The following KCP variants were observed in gnomAD, a reference collection of about 807,000 sequenced individuals.
KCP encodes the protein kielin/chordin-like protein.
Under a neutral mutation model 212.7 loss-of-function variants are expected in KCP, and 194 were observed. The observed-to-expected ratio is 0.91, with a 90% confidence interval of 0.81 to 1.03. KCP has a LOEUF of 1.03. Among genes scored for constraint, KCP ranks in the 50% least tolerant of loss-of-function variants. The pLI is 0.00. For synonymous variants in KCP, 833 were observed against 865.3 expected (o/e 0.96, Z 0.65); for missense variants, 2,080 against 2,162.5 (o/e 0.96, Z 0.76).
intron 8 of KCP, among the ~76,000 whole-genome samples, chr7:128,896,616 C>T (rs186923430): frequency 6.6e-6 from 1 of 151,930 alleles, no homozygotes; most frequent in Non-Finnish European, 1.5e-5. Flanking sequence ...CATGGCCGGT[C>T]GCGGTGGCTC....
In KCP at chr7:128,877,777, AG is replaced by A; in HGVS notation, c.4324del (p.Leu1442CysfsTer34). On this transcript the variant is annotated frameshift_variant, in exon 39 of 40. Transcript: ENST00000610776. LOFTEE classifies it high-confidence loss of function. ...FGNSWQVSEG[L>X]WPGRPCSAGR... ...TGCAGAACAGGGCCGGCCAGGCCAC[AG>A]CCCCTCTGAGACCTGGGTGGGGAGA... 2 of 1,547,844 alleles carry A rather than the reference AG, an allele frequency of 1.3e-6. No homozygotes were observed. The highest frequency in any genetic ancestry group is 2.4e-5 in the South Asian group (2 of 83,866).
At chr7:128,901,470 CA>C (rs1794838836) in intron 8 of KCP, among the ~76,000 whole-genome samples, 1 of 151,968 alleles carries the variant, frequency 6.6e-6, no homozygotes, top group African/African-American at 2.4e-5. Flanking sequence ...ACTAAAAATA[CA>C]AAAAATTAGC....
Position 128,894,278 on chromosome 7 carries a change from A to G in KCP, c.847T>C (p.Cys283Arg). ...ICRCLEGHIQ[C>R]RQRECASLCP... is the part of the protein sequence containing the mutation. Reference sequence around the variant, plus strand: ...AGGCTGGCACATTCTCGCTGGCGGCACTGGATGTGACCCTCCTGGTGGGGA... The same window carrying G: ...AGGCTGGCACATTCTCGCTGGCGGCGCTGGATGTGACCCTCCTGGTGGGGA... The change falls in exon 9 of 40, where the codon TGC becomes CGC. Residue 283 changes from cysteine (C) to arginine (R), a missense_variant. Transcript: ENST00000610776. 1 of 1,541,716 alleles carries G rather than the reference A, an allele frequency of 6.5e-7. No homozygotes were observed. The highest frequency in any genetic ancestry group is 8.8e-7 in the Non-Finnish European group (1 of 1,140,650).
In KCP at chr7:128,891,023, G is replaced by T. The variant is rs891518627; in HGVS notation, c.2046C>A (p.Pro682=). ...AGAGGCAGCGGCGGCAGGGATCGCC[G>T]GGCGGGGAGAAGTACTCCTGGTGGC... The part of the protein sequence containing the change: ...HARHQEYFSP[P]GDPCRRCLCL... The change falls in exon 20 of 40, where the codon CCC becomes CCA. Residue 682 remains proline, a synonymous_variant. Coordinates refer to ENST00000610776, the MANE Select transcript of KCP (RefSeq NM_001366122.1). 7 of 1,345,720 alleles carry T rather than the reference G, an allele frequency of 5.2e-6. No individual in the cohort carries two copies. The African/African-American group carries it at 7.7e-5, about 15-fold the overall frequency. The allele number at this position is 1,345,720 out of a possible 1,614,324, so 83.4% of individuals were successfully genotyped here.
Position 128,880,052 on chromosome 7 carries a change from A to G in KCP, c.3793T>C (p.Cys1265Arg), listed in dbSNP as rs568214481. The G allele has an allele frequency of 6.5e-7, 1 of 1,547,208 alleles. No homozygotes were observed. The highest frequency in any genetic ancestry group is 8.7e-7 in the Non-Finnish European group (1 of 1,146,134). ...KAPALSPGSCCPRCLPRPASC... is the reference protein window; with the variant it reads ...KAPALSPGSCRPRCLPRPASC... ...GCGGGCCGAGGCAGGCAGCGGGGGC[A>G]GCAGCTGCCAGGACTCAGGGCAGGG... is the stretch of plus-strand genomic sequence containing the variant. The change falls in exon 35 of 40, where the codon TGC becomes CGC. Residue 1265 changes from cysteine (C) to arginine (R), a missense_variant. Cys to Arg is a radical substitution (Grantham distance 180). Transcript: ENST00000610776.
At chr7:128,894,755 C>T (rs1445706052) in intron 8 of KCP, among the ~76,000 whole-genome samples, 2 of 152,108 alleles carry the variant, frequency 1.3e-5, no homozygotes, top group Admixed American at 6.6e-5. Context: ...TACAGGCACG[C>T]ACCACCATGC....
rs375079951 is a variant in KCP at position 128,896,863 on chromosome 7, C to T, written c.832-2570G>A. ...CTGAGATGGCGCCATTTCACTCCAG[C>T]CTGGCGACAGAGCAAGACTCCATCT... On this transcript the variant is annotated intron_variant, in intron 8 of 39. Coordinates refer to ENST00000610776, the MANE Select transcript of KCP (RefSeq NM_001366122.1). 6.2e-5 allele frequency among the ~76,000 whole-genome samples: 9 copies of T among 144,188 alleles called. No homozygotes were observed. In the East Asian group the frequency reaches 1.6e-3, roughly 26 times the overall value. The allele number at this position is 144,188 out of a possible 152,430, so 94.6% of individuals were successfully genotyped here.
rs151283237 is a variant in KCP at position 128,881,185 on chromosome 7, C to T, written c.3425-100G>A. 418 of 398,936 alleles carry T rather than the reference C, an allele frequency of 1.0e-3. 2 individuals are homozygous for T. Among genetic ancestry groups the T allele is most frequent in the African/African-American group, 7.7e-3 (374 of 48,762 alleles). 24.7% of individuals were successfully genotyped at this position (398,936 alleles called of 1,614,324 possible). ...TTTCACGGCAGGAAAGCACCCACTC[C>T]GTGTCCCTACCACCCTGATGGTGTT... On this transcript the variant is annotated intron_variant, in intron 31 of 39. Coordinates refer to ENST00000610776, the MANE Select transcript of KCP (RefSeq NM_001366122.1).
chr7:128,897,159 T>C lies in KCP; in HGVS notation c.832-2866A>G, dbSNP rs191321403. 2.5e-3 allele frequency among the ~76,000 whole-genome samples: 388 copies of C among 152,350 alleles called. 8 individuals are homozygous for C. The South Asian group carries it at 0.053, about 21-fold the overall frequency. ...GCTATAGTGAATCTGGTATGCTTTGTGTGTCTTTCTGTATTGTTCTGTCAT... is the reference window on the plus strand; with the variant it reads ...GCTATAGTGAATCTGGTATGCTTTGCGTGTCTTTCTGTATTGTTCTGTCAT... On this transcript the variant is annotated intron_variant, in intron 8 of 39. Coordinates refer to ENST00000610776, the MANE Select transcript of KCP (RefSeq NM_001366122.1).
intron 38 of KCP, 39 bp downstream of exon 38, chr7:128,878,519 T>C: frequency 1.3e-6 from 2 of 1,527,060 alleles, no homozygotes; most frequent in Non-Finnish European, 8.8e-7. Flanking sequence ...CTCAGCTGCG[T>C]CTCCCCTAAT....
At chr7:128,898,623 A>G (rs1205783225) in intron 8 of KCP, among the ~76,000 whole-genome samples, 1 of 152,268 alleles carries the variant, frequency 6.6e-6, no homozygotes, top group Non-Finnish European at 1.5e-5. Flanking sequence ...CATGCAAGGC[A>G]TGTAAGAAAA....
rs1396749520 is a variant in KCP at position 128,882,034 on chromosome 7, C to G, written c.3245-18G>C. ...CAAGGCCTCTGTGAAGACAAGAATCCAGAGTGCGGGACAGAAAGAGGGGCA... is the reference window on the plus strand; with the variant it reads ...CAAGGCCTCTGTGAAGACAAGAATCGAGAGTGCGGGACAGAAAGAGGGGCA... On this transcript the variant is annotated intron_variant, in intron 29 of 39. Transcript: ENST00000610776. The G allele has an allele frequency of 6.5e-7, 1 of 1,543,212 alleles. No homozygotes were observed. The highest frequency in any genetic ancestry group is 8.8e-7 in the Non-Finnish European group (1 of 1,139,952).
intron 28 of KCP, 55 bp downstream of exon 28, chr7:128,884,726 C>A: frequency 1.3e-6 from 2 of 1,482,520 alleles, no homozygotes; most frequent in Non-Finnish European, 1.8e-6. Context: ...TCATCCCATG[C>A]TGCCCACTCC....
At chr7:128,887,832 CACACACACACAT>C (rs1793771188) in intron 22 of KCP, among the ~76,000 whole-genome samples, 1 of 150,172 alleles carries the variant, frequency 6.7e-6, no homozygotes, top group Non-Finnish European at 1.5e-5. Context: ...CATACACACA[CACACACACACAT>C]ACACACATAC....
chr7:128,908,251 G>GAAGAAAGAAAGAAAGAAAGAAAGA (rs370653893), intron 2 of KCP, among the ~76,000 whole-genome samples, 175 bp downstream of exon 2: 3,523 of 101,126 alleles, frequency 0.035, 122 homozygotes, highest in South Asian at 0.047. Flanking sequence ...AAGAAAGAAA[G>GAAGAAAGAAAGAAAGAAAGAAAGA]AAGAAAGAAA....
chr7:128,891,366 C>T (rs1156292145), intron 18 of KCP, 85 bp downstream of exon 18: 1 of 1,546,684 alleles, frequency 6.5e-7, no homozygotes, highest in Non-Finnish European at 8.7e-7. Flanking sequence ...CAGGTCCCAC[C>T]CCTCCCACCT....
At position 128,877,086 on chromosome 7, in the gene KCP, C is replaced by G; in HGVS notation, c.4844G>C (p.Gly1615Ala). The G allele has an allele frequency of 1.3e-6, 2 of 1,520,260 alleles. No individual in the cohort carries two copies. The highest frequency in any genetic ancestry group is 1.8e-6 in the Non-Finnish European group (2 of 1,138,486). The allele number at this position is 1,520,260 out of a possible 1,614,324, so 94.2% of individuals were successfully genotyped here. The stretch of plus-strand genomic sequence containing the variant: ...CTCCCGGCTGGGGCTGGGCCGAGCA[C>G]CAAGTGGCTGGTCTCCAGTGAGCAG... ...QVLLTGDQPL[G>A]ARPSPSREPQ... Residue 1615 changes from glycine to alanine, a missense_variant, in exon 40 of 40, where the codon GGT (glycine) becomes GCT (alanine). Gly to Ala is a moderately conservative substitution (Grantham distance 60). Coordinates refer to ENST00000610776, the MANE Select transcript of KCP (RefSeq NM_001366122.1).
At chr7:128,881,588 C>G in intron 31 of KCP, 38 bp downstream of exon 31, 1 of 1,403,792 alleles carries the variant, frequency 7.1e-7, no homozygotes, top group South Asian at 1.5e-5. Context: ...TCCCCCTGGG[C>G]TCCTCTCTGA....
rs1411134993 is a variant in KCP at position 128,878,620 on chromosome 7, C to T, written c.4249G>A (p.Asp1417Asn). The change falls in exon 38 of 40, where the codon GAT (aspartate) becomes AAT (asparagine). Residue 1417 changes from aspartate (D) to asparagine (N), a missense_variant. Coordinates refer to ENST00000610776, the MANE Select transcript of KCP (RefSeq NM_001366122.1). ...AGCAGCCCCTCAGGGCCCTGCAGAT[C>T]GTCCTGGGCAAAGCCATTGAAGTTC... ...CGNFNGFAQDDLQGPEGLLLP... is the reference protein window; with the variant it reads ...CGNFNGFAQDNLQGPEGLLLP... The T allele has an allele frequency of 5.8e-6, 9 of 1,551,408 alleles. No homozygotes were observed. The highest frequency in any genetic ancestry group is 2.7e-5 in the African/African-American group (2 of 73,068).
Sources: gnomAD v4.1 joint callset for allele counts (sites outside exome capture counted in the v4.1 genomes callset) on GRCh38, gnomAD v4.1.1 for gene constraint, MANE v1.5 for transcripts, NCBI Gene and HGNC (gene_info 2026-07-23, HGNC 2026-07-21) for gene names.